Variants in ANKRD30B observed in about 807,000 individuals in gnomAD.
ANKRD30B encodes the protein ankyrin repeat domain-containing protein 30B.
In ANKRD30B, 144 loss-of-function variants were observed where a neutral mutation model predicts 202.2. That is an observed-to-expected ratio of 0.71 (90% CI 0.62 to 0.82). The LOEUF is 0.82. ANKRD30B is among the 40% of genes least tolerant of loss of function. ANKRD30B has a pLI of 0.00. For missense variants in ANKRD30B, 1,487 were observed against 1,669.1 expected (o/e 0.89, Z 1.90); for synonymous variants, 508 against 561.3 (o/e 0.91, Z 1.34).
intron 36 of ANKRD30B, 64 bp downstream of exon 36, chr18:14,837,740 A>G (rs1332665301): frequency 7.2e-7 from 1 of 1,380,316 alleles, no homozygotes; most frequent in South Asian, 1.4e-5. Flanking sequence ...AAAACATAAA[A>G]AGATGATTTG....
rs1217587416 is a variant in ANKRD30B at position 14,808,546 on chromosome 18, T to G, written c.2285-5T>G. ...AATCAATTATATATGTCCCTTTTCT[T>G]TTAGAGTCTCCTGATAAAGATGGTC... On this transcript the variant is annotated splice_region_variant and splice_polypyrimidine_tract_variant and intron_variant, in intron 24 of 43. Coordinates refer to ENST00000690538, the MANE Select transcript of ANKRD30B (RefSeq NM_001367607.2). 6.7e-7 allele frequency: 1 copy of G among 1,487,352 alleles called. No individual in the cohort carries two copies. The highest frequency in any genetic ancestry group is 1.7e-5 in the Admixed American group (1 of 58,974). The allele number at this position is 1,487,352 out of a possible 1,614,324, so 92.1% of individuals were successfully genotyped here.
chr18:14,785,388 A>T (rs1284462463), intron 14 of ANKRD30B, among the ~76,000 whole-genome samples: 4 of 152,186 alleles, frequency 2.6e-5, no homozygotes, highest in African/African-American at 9.6e-5. Flanking sequence ...TTTAAATATT[A>T]GGTTGTTTAT....
the ANKRD30B span, among the ~76,000 whole-genome samples, chr18:14,865,357 C>T: frequency 6.6e-6 from 1 of 151,064 alleles, no homozygotes; most frequent in Non-Finnish European, 1.5e-5. Flanking sequence ...CTCTCTGCAC[C>T]CTCTTTTCTC....
At chr18:14,831,194 A>AAAAC (rs1555668407) in intron 33 of ANKRD30B, among the ~76,000 whole-genome samples, 189 bp from the exon 34 acceptor site, 4 of 150,940 alleles carry the variant, frequency 2.7e-5, no homozygotes, top group African/African-American at 9.7e-5. Flanking sequence ...AAAAAAAAAA[A>AAAAC]AAAAAACGAA....
In ANKRD30B at chr18:14,790,983, T is replaced by C. The variant is rs145856608; in HGVS notation, c.1735-418T>C. On this transcript the variant is annotated intron_variant, in intron 15 of 43. Transcript: ENST00000690538. Reference sequence around the variant, plus strand: ...AACGAATGGTACCAGTTCCTCCTTATACCTCTGGAAGAATTCGGCTGTAAA... The same window carrying C: ...AACGAATGGTACCAGTTCCTCCTTACACCTCTGGAAGAATTCGGCTGTAAA... 6.3e-4 allele frequency among the ~76,000 whole-genome samples: 96 copies of C among 152,344 alleles called. No individual in the cohort carries two copies. The East Asian group carries it at 0.017, about 27-fold the overall frequency.
chr18:14,932,491 C>T, the ANKRD30B span, among the ~76,000 whole-genome samples: 6 of 152,082 alleles, frequency 3.9e-5, no homozygotes, highest in African/African-American at 7.3e-5. Context: ...CGCCCGCCAC[C>T]GCGCCCGGCT....
At chr18:14,783,555 A>T (rs1967885638) in intron 12 of ANKRD30B, among the ~76,000 whole-genome samples, 2 of 152,158 alleles carry the variant, frequency 1.3e-5, no homozygotes, top group Non-Finnish European at 2.9e-5. Context: ...CAAATCAGAC[A>T]AATTGTAGGA....
chr18:14,838,861 A>G (rs1010023064), intron 36 of ANKRD30B, among the ~76,000 whole-genome samples: 12 of 152,366 alleles, frequency 7.9e-5, no homozygotes, highest in Admixed American at 3.3e-4. Flanking sequence ...ATGTGAAAAC[A>G]TTTTTTAAAC....
At position 14,817,915 on chromosome 18, in the gene ANKRD30B, TA is replaced by T. The variant is rs545795724; in HGVS notation, c.2641+3208del. On this transcript the variant is annotated intron_variant, in intron 30 of 43. Transcript: ENST00000690538. ...TGCAATATGGTCATGTATTTAGCCTTAAAATGCTTGGACATAAATTTTTTGT... is the reference window on the plus strand; with the variant it reads ...TGCAATATGGTCATGTATTTAGCCTTAAATGCTTGGACATAAATTTTTTGT... 4.6e-5 allele frequency among the ~76,000 whole-genome samples: 7 copies of T among 152,302 alleles called. No homozygotes were observed. In the South Asian group the frequency reaches 1.4e-3, roughly 32 times the overall value.
rs748729223 is a variant in ANKRD30B at position 14,822,486 on chromosome 18, C to T, written c.2645C>T (p.Ser882Phe). The T allele has an allele frequency of 3.6e-6, 5 of 1,404,152 alleles. No individual in the cohort carries two copies. Among genetic ancestry groups the T allele is most frequent in the Non-Finnish European group, 5.0e-6 (5 of 1,007,182 alleles). 87.0% of individuals were successfully genotyped at this position (1,404,152 alleles called of 1,614,324 possible). Residue 882 changes from serine (S) to phenylalanine (F), a missense_variant, in exon 31 of 44, where the codon TCT becomes TTT. Physicochemically the swap from Ser to Phe is radical, Grantham distance 155. Coordinates refer to ENST00000690538, the MANE Select transcript of ANKRD30B (RefSeq NM_001367607.2). ...ATATATGTCCCTTTTCTTTTAGAGTCTCCTGATAAAGATGGTCTTCTGAAG... is the reference window on the plus strand; with the variant it reads ...ATATATGTCCCTTTTCTTTTAGAGTTTCCTGATAAAGATGGTCTTCTGAAG... ...FDTLSGKLEE[S>F]PDKDGLLKPT...
At chr18:14,855,940 G>A (rs1317792322), downstream of ANKRD30B, among the ~76,000 whole-genome samples, 14 of 150,590 alleles carry the variant, frequency 9.3e-5, no homozygotes, top group African/African-American at 3.2e-4. Flanking sequence ...AGGCGGCCTG[G>A]CAGAGGCGCT....
the ANKRD30B span, among the ~76,000 whole-genome samples, chr18:14,865,566 T>C: frequency 6.6e-6 from 1 of 151,504 alleles, no homozygotes; most frequent in Non-Finnish European, 1.5e-5. Flanking sequence ...CTGTGAAACC[T>C]TCCGTCCCTC....
intron 41 of ANKRD30B, among the ~76,000 whole-genome samples, chr18:14,851,130 G>A (rs1483658248): frequency 6.6e-6 from 1 of 151,806 alleles, no homozygotes; most frequent in Admixed American, 6.6e-5. Flanking sequence ...CTCTTAGTAT[G>A]GGATGTTGTA....
At chr18:14,862,602 T>C in the ANKRD30B span, among the ~76,000 whole-genome samples, 2 of 152,104 alleles carry the variant, frequency 1.3e-5, no homozygotes, top group Admixed American at 6.5e-5. Flanking sequence ...ACAGGAAATA[T>C]GGGATTGAAG....
intron 33 of ANKRD30B, among the ~76,000 whole-genome samples, chr18:14,829,231 A>T (rs1241848945): frequency 6.6e-6 from 1 of 152,208 alleles, no homozygotes; most frequent in Non-Finnish European, 1.5e-5. Context: ...TAATCAAAAT[A>T]CTTTCATATT....
At chr18:14,831,313 G>C (rs1248581554) in intron 33 of ANKRD30B, 70 bp from the exon 34 acceptor site, 1 of 1,065,026 alleles carries the variant, frequency 9.4e-7, no homozygotes, top group Non-Finnish European at 1.4e-6. Context: ...TGAGCACTAA[G>C]ATATGAACTG....
At chr18:14,933,265 A>T in the ANKRD30B span, among the ~76,000 whole-genome samples, 2 of 152,174 alleles carry the variant, frequency 1.3e-5, no homozygotes, top group Non-Finnish European at 2.9e-5. Flanking sequence ...ACCACTAACC[A>T]GGTGCCTGTG....
chr18:14,818,196 T>C (rs1970216202), intron 30 of ANKRD30B, among the ~76,000 whole-genome samples: 1 of 152,200 alleles, frequency 6.6e-6, no homozygotes, highest in Non-Finnish European at 1.5e-5. Flanking sequence ...AACAGTGTTT[T>C]AGCAACTCGC....
chr18:14,755,751 G>A (rs1473293012), intron 4 of ANKRD30B, among the ~76,000 whole-genome samples: 4 of 152,090 alleles, frequency 2.6e-5, no homozygotes, highest in African/African-American at 9.7e-5. Context: ...TTTTATGGCT[G>A]CATAGTATTC....
Sources: gnomAD v4.1 joint callset for allele counts (sites outside exome capture counted in the v4.1 genomes callset) on GRCh38, gnomAD v4.1.1 for gene constraint, MANE v1.5 for transcripts, NCBI Gene and HGNC (gene_info 2026-07-23, HGNC 2026-07-21) for gene names.